TMEM272: variants seen among roughly 807,000 people sequenced by gnomAD.
TMEM272 encodes the protein long intergenic non-protein coding RNA 282.
Under a neutral mutation model 3.7 loss-of-function variants are expected in TMEM272, and 8 were observed. The observed-to-expected ratio is 2.17, with a 90% CI of 1.27 to 3.91. The LOEUF (loss-of-function observed/expected upper bound fraction) is 3.91, where lower values mean the gene tolerates loss of function less well. Ranked by LOEUF, TMEM272 falls within the 30% of genes most tolerant of loss-of-function variation. The pLI is 0.00. For synonymous variants in TMEM272, 63 were observed against 39.8 expected (o/e 1.58, Z -2.20); for missense variants, 166 against 91.5 (o/e 1.81, Z -3.32).
At chr13:51,875,116 G>T in the TMEM272 span, among the ~76,000 whole-genome samples, 1 of 152,328 alleles carries the variant, frequency 6.6e-6, no homozygotes, top group East Asian at 1.9e-4. Context: ...TGCTCATGTT[G>T]GTTGAGAGCT....
chr13:51,903,839 T>C, the TMEM272 span, among the ~76,000 whole-genome samples: 11 of 152,112 alleles, frequency 7.2e-5, no homozygotes, highest in Non-Finnish European at 1.2e-4. Context: ...GAGAACCATA[T>C]AGGGTCTTCT....
At chr13:51,915,603 CCT>C in the TMEM272 span, among the ~76,000 whole-genome samples, 267 of 152,298 alleles carry the variant, frequency 1.8e-3, no homozygotes, top group Non-Finnish European at 3.2e-3. Flanking sequence ...GAGACACGCC[CCT>C]GTCACCATGC....
At chr13:51,873,163 T>C in the TMEM272 span, among the ~76,000 whole-genome samples, 1 of 152,180 alleles carries the variant, frequency 6.6e-6, no homozygotes, top group African/African-American at 2.4e-5. Flanking sequence ...AGAATGAACA[T>C]TGCTGGAGGA....
the TMEM272 span, among the ~76,000 whole-genome samples, chr13:51,864,512 C>A: frequency 6.6e-6 from 1 of 152,352 alleles, no homozygotes; most frequent in Admixed American, 6.5e-5. Flanking sequence ...TCTCTTTCAG[C>A]ATTGGGTTTA....
At chr13:51,871,829 CACACACACACACACAA>C in the TMEM272 span, among the ~76,000 whole-genome samples, 49 of 143,488 alleles carry the variant, frequency 3.4e-4, no homozygotes, top group African/African-American at 8.2e-4. Context: ...CACACACACA[CACACACACACACACAA>C]ACAGAGACGC....
chr13:51,921,142 A>G, the TMEM272 span: 26,859 of 152,250 alleles, frequency 0.18, 2,943 homozygotes, highest in African/African-American at 0.3. Context: ...AGAAGCGGCT[A>G]CACATTTCTC....
the TMEM272 span, chr13:51,866,088 G>A: frequency 1.3e-6 from 2 of 1,560,406 alleles, no homozygotes; most frequent in Non-Finnish European, 1.7e-6. Context: ...TAGCCAGCAT[G>A]CAGGTGCAGG....
intron 3 of TMEM272, among the ~76,000 whole-genome samples, chr13:51,826,062 C>T (rs892008654): frequency 2.0e-5 from 3 of 149,904 alleles, no homozygotes; most frequent in Non-Finnish European, 4.4e-5. Context: ...CCCTGACCTT[C>T]GCTAGACCTC....
chr13:51,896,337 G>A, the TMEM272 span, among the ~76,000 whole-genome samples: 26,017 of 152,152 alleles, frequency 0.17, 2,483 homozygotes, highest in East Asian at 0.44. Context: ...GTATGAGAGA[G>A]ACAGAGAAAC....
Position 51,816,737 on chromosome 13 carries a change from G to T in TMEM272, c.*14C>A. On this transcript the variant is annotated 3_prime_UTR_variant, in exon 5 of 5. Transcript: ENST00000629372. Reference sequence around the variant, plus strand: ...CACGCATATGCATACATGGTATGCTGGACAAGGCAGCTGTCAGTCTTCATC... The same window carrying T: ...CACGCATATGCATACATGGTATGCTTGACAAGGCAGCTGTCAGTCTTCATC... The T allele has an allele frequency of 1.4e-6, 1 of 692,396 alleles. No individual in the cohort carries two copies. Among genetic ancestry groups the T allele is most frequent in the South Asian group, 1.5e-5 (1 of 66,518 alleles). 42.9% of individuals were successfully genotyped at this position (692,396 alleles called of 1,614,324 possible).
At chr13:51,875,544 G>T in the TMEM272 span, among the ~76,000 whole-genome samples, 1 of 152,186 alleles carries the variant, frequency 6.6e-6, no homozygotes, top group Non-Finnish European at 1.5e-5. Flanking sequence ...ACATGACCAA[G>T]AAGATATTCT....
the TMEM272 span, among the ~76,000 whole-genome samples, chr13:51,918,358 A>G: frequency 6.6e-6 from 1 of 152,130 alleles, no homozygotes; most frequent in Non-Finnish European, 1.5e-5. Context: ...AATCTTTCTC[A>G]GTGTCTGGAT....
the TMEM272 span, among the ~76,000 whole-genome samples, chr13:51,881,529 A>G: frequency 3.4e-4 from 52 of 152,284 alleles, no homozygotes; most frequent in African/African-American, 1.2e-3. Context: ...GTGAACACAA[A>G]GCTCTAAAAA....
Position 51,814,193 on chromosome 13 carries a change from A to C in TMEM272, c.*2558T>G, listed in dbSNP as rs1251399024. 1 of 152,270 alleles carries C rather than the reference A, an allele frequency of 6.6e-6. No homozygotes were observed. Among genetic ancestry groups the C allele is most frequent in the Non-Finnish European group, 1.5e-5 (1 of 68,060 alleles). The allele number at this position is 152,270 out of a possible 1,614,324, so 9.4% of individuals were successfully genotyped here. On this transcript the variant is annotated 3_prime_UTR_variant, in exon 5 of 5. Coordinates refer to ENST00000629372, the MANE Select transcript of TMEM272 (RefSeq NM_001351003.2). ...AAGGGCACGCAGCTCAGCCCTTCCT[A>C]GACAGTCTGGGTGTCATCCCTGGAT... is the stretch of plus-strand genomic sequence containing the variant.
At chr13:51,878,225 T>A in the TMEM272 span, among the ~76,000 whole-genome samples, 1 of 152,036 alleles carries the variant, frequency 6.6e-6, no homozygotes, top group African/African-American at 2.4e-5. Flanking sequence ...GGTAAGGAGA[T>A]AGAGACCACC....
At chr13:51,820,691 G>A (rs4482180) in intron 4 of TMEM272, among the ~76,000 whole-genome samples, 3 of 152,160 alleles carry the variant, frequency 2.0e-5, no homozygotes, top group East Asian at 1.9e-4. Flanking sequence ...TGCTGAAAAC[G>A]CTGCCCTTGT....
the TMEM272 span, among the ~76,000 whole-genome samples, chr13:51,892,999 G>T: frequency 6.6e-6 from 1 of 152,160 alleles, no homozygotes; most frequent in African/African-American, 2.4e-5. Flanking sequence ...AAAAGTTCTT[G>T]GCTAATTTGT....
At chr13:51,905,234 A>G in the TMEM272 span, among the ~76,000 whole-genome samples, 4 of 152,284 alleles carry the variant, frequency 2.6e-5, no homozygotes, top group East Asian at 7.7e-4. Flanking sequence ...TCTTCCAGAG[A>G]AAAGAGCTGT....
In TMEM272 at chr13:51,817,701, G is replaced by A. The variant is rs143121721; in HGVS notation, c.202-588C>T. ...TACCACTGCCCATCTCAGGCATCTG[G>A]AATTCCCAAGTGGGGCTGTGGACTG... On this transcript the variant is annotated intron_variant, in intron 4 of 4. Coordinates refer to ENST00000629372, the MANE Select transcript of TMEM272 (RefSeq NM_001351003.2). Among the ~76,000 whole-genome samples the A allele has an allele frequency of 6.7e-3, 1,021 of 152,192 alleles. 6 individuals carry two copies. Among genetic ancestry groups the A allele is most frequent in the Non-Finnish European group, 9.4e-3 (640 of 68,010 alleles).
Sources: gnomAD v4.1 joint callset for allele counts (sites outside exome capture counted in the v4.1 genomes callset) on GRCh38, gnomAD v4.1.1 for gene constraint, MANE v1.5 for transcripts, NCBI Gene and HGNC (gene_info 2026-07-23, HGNC 2026-07-21) for gene names.